The following LRRK1 variants were observed in gnomAD, a reference collection of about 807,000 sequenced individuals.
The protein encoded by LRRK1 is leucine rich repeat kinase 1, also known as leucine-rich repeat serine/threonine-protein kinase 1.
LRRK1 carries 113 observed loss-of-function variants against 209.1 expected under a neutral mutation model. The observed-to-expected ratio is 0.54, with a 90% CI of 0.46 to 0.63. The LOEUF is 0.63. LRRK1 is among the 30% of genes least tolerant of loss of function. The probability of loss-of-function intolerance (pLI) is 0.00; values close to 1 mark genes in which losing one functional copy is unlikely to be tolerated. For missense variants in LRRK1, 2,284 were observed against 2,632.2 expected, an observed-to-expected ratio of 0.87 and a Z score of 2.89; for synonymous variants, 1,144 against 1,099.7, an observed-to-expected ratio of 1.04 and a Z score of -0.80.
At chr15:101,018,179 A>T (rs1400579698) in intron 12 of LRRK1, among the ~76,000 whole-genome samples, 11 of 7,246 alleles carry the variant, frequency 1.5e-3, no homozygotes, top group Non-Finnish European at 1.8e-3. Context: ...AAATTGATTT[A>T]AAAAAAAAAA....
intron 2 of LRRK1, among the ~76,000 whole-genome samples, chr15:100,961,613 A>T (rs2029959921): frequency 6.7e-6 from 1 of 149,404 alleles, no homozygotes; most frequent in Admixed American, 6.8e-5. Flanking sequence ...AGATCGCGCC[A>T]CCGCACTCCA....
chr15:101,011,482 A>G (rs1373596271), intron 9 of LRRK1, among the ~76,000 whole-genome samples: 1 of 151,952 alleles, frequency 6.6e-6, no homozygotes, highest in East Asian at 1.9e-4. Context: ...CTCAAAAAAA[A>G]AAAAAAAAAA....
intron 6 of LRRK1, among the ~76,000 whole-genome samples, chr15:100,999,154 T>C (rs1422866371): frequency 1.3e-5 from 2 of 152,196 alleles, no homozygotes; most frequent in Non-Finnish European, 2.9e-5. Context: ...TTTTTTTCCC[T>C]CTTTCAAATA....
At chr15:101,034,445 G>A (rs1371020083) in intron 20 of LRRK1, among the ~76,000 whole-genome samples, 2 of 152,016 alleles carry the variant, frequency 1.3e-5, no homozygotes, top group Non-Finnish European at 2.9e-5. Context: ...TAAGAGATAG[G>A]GGGTCTAGTT....
intron 6 of LRRK1, among the ~76,000 whole-genome samples, chr15:100,996,260 A>G (rs1459657863): frequency 6.6e-6 from 1 of 152,232 alleles, no homozygotes; most frequent in Non-Finnish European, 1.5e-5. Context: ...CTGGCGCCAC[A>G]TACCCTCTTC....
Position 101,066,090 on chromosome 15 carries a change from G to A in LRRK1, c.5653G>A (p.Gly1885Ser), listed in dbSNP as rs377202593. ...GGACTCAGACATGCTACATACGCCCGGTGCTGCCTCCGACAGGTCTGAGCA... is the reference window on the plus strand; with the variant it reads ...GGACTCAGACATGCTACATACGCCCAGTGCTGCCTCCGACAGGTCTGAGCA... Reference protein sequence around the residue: ...CEDSDMLHTPGAASDRSEHDL... With the variant: ...CEDSDMLHTPSAASDRSEHDL... The change falls in exon 32 of 34, where the codon GGT becomes AGT. Residue 1885 changes from glycine (G) to serine (S), a missense_variant. Transcript: ENST00000388948. The A allele has an allele frequency of 7.9e-5, 128 of 1,614,000 alleles. No homozygotes were observed. The highest frequency in any genetic ancestry group is 9.3e-5 in the Non-Finnish European group (110 of 1,180,056).
chr15:100,983,957 A>G (rs1336706451), intron 4 of LRRK1: 2 of 549,160 alleles, frequency 3.6e-6, no homozygotes, highest in Non-Finnish European at 6.8e-6. Context: ...AAAATAATTA[A>G]TAGACCTTGG....
chr15:101,077,585 C>T lies in LRRK1; in HGVS notation c.*8737C>T, dbSNP rs1013685115. The T allele has an allele frequency of 1.3e-5, 2 of 152,140 alleles. No homozygotes were observed. The highest frequency in any genetic ancestry group is 4.8e-5 in the African/African-American group (2 of 41,418). The allele number at this position is 152,140 out of a possible 1,614,324, so 9.4% of individuals were successfully genotyped here. On this transcript the variant is annotated 3_prime_UTR_variant, in exon 34 of 34. Transcript: ENST00000388948. ...TTTTCAATTCATACAAAACCGTATC[C>T]AGGTCATCACCAATAATTCTAAATG...
At chr15:100,945,305 G>C (rs146324412) in intron 2 of LRRK1, among the ~76,000 whole-genome samples, 6 of 152,064 alleles carry the variant, frequency 3.9e-5, no homozygotes, top group Admixed American at 2.6e-4. Context: ...CTGTTTCCCA[G>C]TGGCTGACAA....
chr15:101,012,456 G>A (rs191655322), intron 10 of LRRK1, among the ~76,000 whole-genome samples: 6 of 152,304 alleles, frequency 3.9e-5, no homozygotes, highest in African/African-American at 7.2e-5. Context: ...GCCTTTCCAC[G>A]GAACCCTGTG....
chr15:101,015,327 AATGAAG>A lies in LRRK1; in HGVS notation c.1538_1543del (p.Glu513_Asp514del). 1 of 1,613,568 alleles carries A rather than the reference AATGAAG, an allele frequency of 6.2e-7. No homozygotes were observed. The highest frequency in any genetic ancestry group is 8.5e-7 in the Non-Finnish European group (1 of 1,179,606). On this transcript the variant is annotated inframe_deletion and splice_region_variant, in exon 12 of 34. Transcript: ENST00000388948. ...TTTGTCTCTTTTTCCTCCCCCCAGA[AATGAAG>A]ATGGACTGAAAACGAAGCGTATTGC...
intron 6 of LRRK1, among the ~76,000 whole-genome samples, chr15:101,008,552 C>T (rs553170431): frequency 2.6e-5 from 4 of 152,208 alleles, no homozygotes; most frequent in South Asian, 2.1e-4. Context: ...TGAGGGGCGG[C>T]ACTGAGCCCG....
At chr15:100,922,271 C>A (rs1057247009) in intron 1 of LRRK1, among the ~76,000 whole-genome samples, 4 of 152,152 alleles carry the variant, frequency 2.6e-5, no homozygotes, top group Non-Finnish European at 5.9e-5. Flanking sequence ...ATTTGAATTA[C>A]CTCATCTTAA....
intron 6 of LRRK1, among the ~76,000 whole-genome samples, chr15:100,993,995 T>C (rs1172416944): frequency 2.0e-5 from 3 of 152,202 alleles, no homozygotes; most frequent in Non-Finnish European, 4.4e-5. Flanking sequence ...TGGCACATAA[T>C]AAGTGCTCAA....
rs139397335 is a variant in LRRK1 at position 100,960,413 on chromosome 15, A to G, written c.98-13391A>G. Among the ~76,000 whole-genome samples the G allele has an allele frequency of 6.0e-3, 917 of 151,928 alleles. 9 individuals carry two copies. The highest frequency in any genetic ancestry group is 0.013 in the East Asian group (67 of 5,168). ...TTTATAATCACAATCATCTTCCCCAAAATCGGAGTAGGACTGACTGTGTGT... is the reference window on the plus strand; with the variant it reads ...TTTATAATCACAATCATCTTCCCCAGAATCGGAGTAGGACTGACTGTGTGT... On this transcript the variant is annotated intron_variant, in intron 2 of 33. Transcript: ENST00000388948.
At position 101,068,767 on chromosome 15, in the gene LRRK1, G is replaced by C; in HGVS notation, c.5967G>C (p.Trp1989Cys). Reference protein sequence around the residue: ...TEWCLAVWRGWGAREFDIFYQ... With the variant: ...TEWCLAVWRGCGAREFDIFYQ... ...GGTGCCTGGCCGTCTGGAGGGGCTG[G>C]GGCGCCAGGGAGTTCGACATTTTCT... Residue 1989 changes from tryptophan to cysteine, a missense_variant, in exon 34 of 34, where the codon TGG becomes TGC. Coordinates refer to ENST00000388948, the MANE Select transcript of LRRK1 (RefSeq NM_024652.6). 6.2e-7 allele frequency: 1 copy of C among 1,613,852 alleles called. No homozygotes were observed. The highest frequency in any genetic ancestry group is 8.5e-7 in the Non-Finnish European group (1 of 1,179,880).
Position 101,075,472 on chromosome 15 carries a change from A to G in LRRK1, c.*6624A>G. 1 of 122,676 alleles carries G rather than the reference A, an allele frequency of 8.2e-6. No individual in the cohort carries two copies. Among genetic ancestry groups the G allele is most frequent in the African/African-American group, 4.1e-5 (1 of 24,176 alleles). 7.6% of individuals were successfully genotyped at this position (122,676 alleles called of 1,614,324 possible). ...TCTACTCCCTCCTTGGTGACCGATC[A>G]TGCACCCCTTACCATCTCATCGAAA... On this transcript the variant is annotated 3_prime_UTR_variant, in exon 34 of 34. Coordinates refer to ENST00000388948, the MANE Select transcript of LRRK1 (RefSeq NM_024652.6).
rs138712638 is a variant in LRRK1 at position 100,946,676 on chromosome 15, T to C, written c.97+21947T>C. ...GCTGTAACAAATAACGCTAGATGTC[T>C]TAAGCATAAAAATCAACACCACTAA... is the stretch of plus-strand genomic sequence containing the variant. On this transcript the variant is annotated intron_variant, in intron 2 of 33. Transcript: ENST00000388948. 2.0e-5 allele frequency among the ~76,000 whole-genome samples: 3 copies of C among 152,342 alleles called. No individual in the cohort carries two copies. In the East Asian group the frequency reaches 5.8e-4, roughly 29 times the overall value.
At position 100,972,355 on chromosome 15, in the gene LRRK1, AGAGAGAGAGTGTGTGTGTGTGTGTGT is replaced by A. The variant is rs2030960186; in HGVS notation, c.98-1447_98-1422del. On this transcript the variant is annotated intron_variant, in intron 2 of 33. Transcript: ENST00000388948. The stretch of plus-strand genomic sequence containing the variant: ...ATATATGAGAGAGAGAGAGAGAGAG[AGAGAGAGAGTGTGTGTGTGTGTGTGT>A]GTGTGTGTGTGTGTGTGTGTGTTTT... Among the ~76,000 whole-genome samples the A allele has an allele frequency of 5.2e-5, 7 of 134,136 alleles. No homozygotes were observed. In the East Asian group the frequency reaches 1.1e-3, roughly 20 times the overall value. The allele number at this position is 134,136 out of a possible 152,430, so 88.0% of individuals were successfully genotyped here.
Sources: allele counts gnomAD v4.1 joint callset (sites outside exome capture counted in the v4.1 genomes callset), GRCh38; gene constraint gnomAD v4.1.1; transcripts MANE v1.5; gene names NCBI Gene and HGNC (gene_info 2026-07-23, HGNC 2026-07-21).